Variants in PPP1R2 observed in about 807,000 individuals in gnomAD.
PPP1R2 encodes the protein protein phosphatase 1 regulatory inhibitor subunit 2, also known as protein phosphatase inhibitor 2.
A neutral mutation model predicts 29.9 loss-of-function variants in PPP1R2; 16 were observed. The ratio of observed to expected loss-of-function variants is 0.53; its 90% CI spans 0.36 to 0.81. The LOEUF is 0.81. Ranked by LOEUF, PPP1R2 falls within the 30% of genes least tolerant of loss-of-function variation. PPP1R2 has a pLI of 0.00. For missense variants in PPP1R2, 197 were observed against 252.7 expected, an observed-to-expected ratio of 0.78 and a Z score of 1.49; for synonymous variants, 76 against 91.5, an observed-to-expected ratio of 0.83 and a Z score of 0.96.
In PPP1R2 at chr3:195,515,550, G is replaced by A. The variant is rs552860361; in HGVS notation, c.*1346C>T. 6.6e-6 allele frequency: 1 copy of A among 152,606 alleles called. No homozygotes were observed. Among genetic ancestry groups the A allele is most frequent in the Admixed American group, 6.5e-5 (1 of 15,292 alleles). 9.5% of individuals were successfully genotyped at this position (152,606 alleles called of 1,614,324 possible). On this transcript the variant is annotated 3_prime_UTR_variant, in exon 6 of 6. Transcript: ENST00000618156. Reference sequence around the variant, plus strand: ...CCATAACTAAACCAAGACACACAGGGCTTTCCTGCACTTGGTTGAAGGAAA... The same window carrying A: ...CCATAACTAAACCAAGACACACAGGACTTTCCTGCACTTGGTTGAAGGAAA...
intron 2 of PPP1R2, among the ~76,000 whole-genome samples, chr3:195,526,443 A>G (rs1326851212): frequency 6.6e-6 from 1 of 152,138 alleles, no homozygotes; most frequent in Non-Finnish European, 1.5e-5. Flanking sequence ...GAAAGAAATG[A>G]TAAAACTGAG....
chr3:195,540,336 T>C (rs1719548172), intron 1 of PPP1R2, among the ~76,000 whole-genome samples: 1 of 152,176 alleles, frequency 6.6e-6, no homozygotes, highest in Admixed American at 6.5e-5. Flanking sequence ...GGTCCTTTCC[T>C]GCATTTTTGT....
rs1344127513 is a variant in PPP1R2, at chr3:195,514,523, G to C, written c.*2373C>G. ...AAAGTCATGGGGAAAATGGCATCTT[G>C]CTTTAATCTTCAACTGAAAGTTACC... On this transcript the variant is annotated 3_prime_UTR_variant, in exon 6 of 6. Coordinates refer to ENST00000618156, the MANE Select transcript of PPP1R2 (RefSeq NM_006241.8). 2 of 152,158 alleles carry C rather than the reference G, an allele frequency of 1.3e-5. 1 individual carries two copies. The highest frequency in any genetic ancestry group is 4.1e-4 in the South Asian group (2 of 4,832). The allele number at this position is 152,158 out of a possible 1,614,324, so 9.4% of individuals were successfully genotyped here.
intron 1 of PPP1R2, among the ~76,000 whole-genome samples, 198 bp downstream of exon 1, chr3:195,542,704 TAA>T (rs768162560): frequency 6.9e-6 from 1 of 144,656 alleles, no homozygotes. Context: ...CCCAAATGCT[TAA>T]AAAAAAAAAA....
At chr3:195,518,541 C>T (rs1490872349) in intron 5 of PPP1R2, among the ~76,000 whole-genome samples, 1 of 151,674 alleles carries the variant, frequency 6.6e-6, no homozygotes, top group Non-Finnish European at 1.5e-5. Context: ...ATCCCAGCTA[C>T]TCGGGAGGCT....
intron 1 of PPP1R2, among the ~76,000 whole-genome samples, chr3:195,532,115 C>T (rs1158576167): frequency 1.3e-5 from 2 of 151,970 alleles, no homozygotes; most frequent in Non-Finnish European, 2.9e-5. Flanking sequence ...ACTGCAGTCT[C>T]GAACTCCTGG....
intron 3 of PPP1R2, among the ~76,000 whole-genome samples, chr3:195,524,433 G>A (rs184469100): frequency 0.013 from 2,027 of 152,296 alleles, 151 homozygotes; most frequent in Admixed American, 0.12. Context: ...GCTGAGGCAC[G>A]AGAATTGCTT....
At chr3:195,524,585 C>T (rs940850701) in intron 3 of PPP1R2, among the ~76,000 whole-genome samples, 1 of 152,052 alleles carries the variant, frequency 6.6e-6, no homozygotes, top group Non-Finnish European at 1.5e-5. Context: ...AGTGCAGGTA[C>T]GCTGGTCTTC....
At chr3:195,524,230 A>T (rs1222439715) in intron 3 of PPP1R2, among the ~76,000 whole-genome samples, 1 of 152,236 alleles carries the variant, frequency 6.6e-6, no homozygotes, top group Admixed American at 6.5e-5. Flanking sequence ...CTTTAAAAAC[A>T]GGAAGCAGGG....
chr3:195,526,811 C>T (rs1278597920), intron 2 of PPP1R2, among the ~76,000 whole-genome samples: 2 of 151,912 alleles, frequency 1.3e-5, no homozygotes, highest in African/African-American at 4.8e-5. Flanking sequence ...GACAGAGTTT[C>T]GCTCTGGTTG....
intron 1 of PPP1R2, among the ~76,000 whole-genome samples, chr3:195,540,329 C>G (rs1033540127): frequency 5.3e-5 from 8 of 152,094 alleles, no homozygotes; most frequent in Non-Finnish European, 1.2e-4. Flanking sequence ...TATTTAGGGT[C>G]CTTTCCTGCA....
At chr3:195,539,628 G>T (rs1445524013) in intron 1 of PPP1R2, among the ~76,000 whole-genome samples, 1 of 152,202 alleles carries the variant, frequency 6.6e-6, no homozygotes, top group African/African-American at 2.4e-5. Flanking sequence ...GCTGCAGTGC[G>T]CTGTGATCGT....
At chr3:195,533,288 T>A (rs1719254874) in intron 1 of PPP1R2, among the ~76,000 whole-genome samples, 1 of 149,840 alleles carries the variant, frequency 6.7e-6, no homozygotes, top group Non-Finnish European at 1.5e-5. Context: ...GGGGTTGCAG[T>A]GAGCAGAGAT....
intron 4 of PPP1R2, among the ~76,000 whole-genome samples, chr3:195,522,829 C>T (rs1366997977): frequency 2.0e-5 from 3 of 152,184 alleles, no homozygotes; most frequent in South Asian, 4.1e-4. Context: ...AGCTTCTTCA[C>T]GGTACAGGAG....
chr3:195,528,730 T>TTTTTTTTTTTTTTTA, intron 2 of PPP1R2: 2 of 142,830 alleles, frequency 1.4e-5, no homozygotes, highest in Non-Finnish European at 3.1e-5. Flanking sequence ...TTTTTTTTTT[T>TTTTTTTTTTTTTTTA]TTGTAGAAAG....
intron 1 of PPP1R2, among the ~76,000 whole-genome samples, chr3:195,538,314 G>A (rs897543979): frequency 2.0e-5 from 3 of 152,220 alleles, no homozygotes; most frequent in African/African-American, 7.2e-5. Flanking sequence ...AGTTGTGACT[G>A]TGTCTGGAAT....
intron 1 of PPP1R2, among the ~76,000 whole-genome samples, chr3:195,534,597 A>C (rs1313905604): frequency 6.6e-6 from 1 of 152,148 alleles, no homozygotes; most frequent in Non-Finnish European, 1.5e-5. Context: ...ACCAGCTGCC[A>C]GTCTTGTGGT....
At chr3:195,529,956 T>C in intron 1 of PPP1R2, 55 bp from the exon 2 acceptor site, 1 of 1,259,380 alleles carries the variant, frequency 7.9e-7, no homozygotes, top group Non-Finnish European at 1.1e-6. Context: ...TAAACCTGAA[T>C]ATCAAAATTC....
At chr3:195,535,458 CTG>C (rs1719342894) in intron 1 of PPP1R2, among the ~76,000 whole-genome samples, 1 of 152,234 alleles carries the variant, frequency 6.6e-6, no homozygotes, top group Non-Finnish European at 1.5e-5. Context: ...CTCGAGAAAA[CTG>C]TATCCAGATG....
Sources: gnomAD v4.1 joint callset for allele counts (sites outside exome capture counted in the v4.1 genomes callset) on GRCh38, gnomAD v4.1.1 for gene constraint, MANE v1.5 for transcripts, NCBI Gene and HGNC (gene_info 2026-07-23, HGNC 2026-07-21) for gene names.